RSU1: variants seen among roughly 807,000 people sequenced by gnomAD.
RSU1 encodes Ras suppressor protein 1, also known as rsu-1.
RSU1 carries 26 observed loss-of-function variants against 31.1 expected under a neutral mutation model. The observed-to-expected ratio is 0.84, with a 90% CI of 0.61 to 1.16. The LOEUF is 1.16. Among genes scored for constraint, RSU1 ranks in the 50% most tolerant of loss-of-function variants. The pLI is 0.00. For missense variants in RSU1, 320 were observed against 339.1 expected (o/e 0.94, Z 0.44); for synonymous variants, 164 against 136.3 (o/e 1.20, Z -1.41).
At chr10:16,794,476 T>C (rs887187930) in intron 2 of RSU1, among the ~76,000 whole-genome samples, 1 of 152,230 alleles carries the variant, frequency 6.6e-6, no homozygotes, top group Admixed American at 6.5e-5. Context: ...CTTGTTTGTA[T>C]TGACTAATTT....
chr10:16,682,535 T>TACACAC lies in RSU1; in HGVS notation c.731+12482_731+12487dup, dbSNP rs68128821. On this transcript the variant is annotated intron_variant, in intron 8 of 8. Coordinates refer to ENST00000345264, the MANE Select transcript of RSU1 (RefSeq NM_012425.4). ...CTCCATGGTCTTTTAAAATCATTCA[T>TACACAC]ACACACACACACACACACACACACA... Among the ~76,000 whole-genome samples the TACACAC allele has an allele frequency of 8.1e-3, 216 of 26,504 alleles. 2 individuals are homozygous for TACACAC. The highest frequency in any genetic ancestry group is 0.015 in the African/African-American group (101 of 6,630). 17.4% of individuals were successfully genotyped at this position (26,504 alleles called of 152,430 possible).
chr10:16,707,233 T>G (rs1296840369), intron 7 of RSU1, among the ~76,000 whole-genome samples: 1 of 152,206 alleles, frequency 6.6e-6, no homozygotes, highest in Non-Finnish European at 1.5e-5. Flanking sequence ...TTCAACATAG[T>G]AATTTCTTTT....
intron 8 of RSU1, among the ~76,000 whole-genome samples, chr10:16,617,350 G>T (rs1454264099): frequency 5.9e-5 from 9 of 152,118 alleles, no homozygotes; most frequent in African/African-American, 1.9e-4. Flanking sequence ...ACAAAGAAAT[G>T]GAAGAACATT....
intron 8 of RSU1, among the ~76,000 whole-genome samples, chr10:16,663,634 C>T (rs45524037): frequency 0.02 from 3,094 of 152,258 alleles, 55 homozygotes; most frequent in Non-Finnish European, 0.034. Context: ...CCACTCGCCG[C>T]GCAGTACAAC....
intron 8 of RSU1, among the ~76,000 whole-genome samples, chr10:16,639,447 C>T (rs984996697): frequency 3.3e-5 from 5 of 152,152 alleles, no homozygotes; most frequent in Non-Finnish European, 7.3e-5. Flanking sequence ...TGTTCTAAGG[C>T]AATCCTATTG....
chr10:16,754,817 C>T, intron 5 of RSU1, 54 bp downstream of exon 5: 1 of 1,120,234 alleles, frequency 8.9e-7, no homozygotes, highest in East Asian at 2.5e-5. Context: ...AAATTTCCCT[C>T]TCAGAACGCA....
At chr10:16,715,905 T>G (rs1478181331) in intron 7 of RSU1, among the ~76,000 whole-genome samples, 2 of 152,232 alleles carry the variant, frequency 1.3e-5, no homozygotes, top group East Asian at 3.8e-4. Context: ...GTGATATACT[T>G]CACTAATAGG....
At chr10:16,641,405 T>C (rs1020333843) in intron 8 of RSU1, among the ~76,000 whole-genome samples, 1 of 151,202 alleles carries the variant, frequency 6.6e-6, no homozygotes, top group Non-Finnish European at 1.5e-5. Flanking sequence ...GGCAGAAGAC[T>C]CGTATGAACC....
At position 16,725,369 on chromosome 10, in the gene RSU1, G is replaced by A. The variant is rs557375963; in HGVS notation, c.598+27170C>T. ...ATTCCAGTAAAAGAAAAGGTGACTC[G>A]AGATTTTTATACCTAGACGAATTAT... On this transcript the variant is annotated intron_variant, in intron 7 of 8. Coordinates refer to ENST00000345264, the MANE Select transcript of RSU1 (RefSeq NM_012425.4). 8.5e-4 allele frequency among the ~76,000 whole-genome samples: 130 copies of A among 152,172 alleles called. 1 individual carries two copies. Among genetic ancestry groups the A allele is most frequent in the African/African-American group, 3.0e-3 (126 of 41,510 alleles).
intron 7 of RSU1, among the ~76,000 whole-genome samples, chr10:16,741,309 C>T (rs1836744933): frequency 6.6e-6 from 1 of 152,096 alleles, no homozygotes; most frequent in African/African-American, 2.4e-5. Flanking sequence ...CAAAAATTAA[C>T]TCAAAATGGA....
intron 7 of RSU1, among the ~76,000 whole-genome samples, chr10:16,699,268 G>A (rs1199235394): frequency 6.6e-6 from 1 of 152,178 alleles, no homozygotes; most frequent in Admixed American, 6.5e-5. Flanking sequence ...CACAATACCT[G>A]TTTCTGTAGC....
intron 8 of RSU1, among the ~76,000 whole-genome samples, chr10:16,685,029 C>A (rs1835413542): frequency 6.6e-6 from 1 of 152,098 alleles, no homozygotes; most frequent in East Asian, 1.9e-4. Flanking sequence ...GAGCGGATCA[C>A]CTGAGGTCAC....
chr10:16,611,168 G>A (rs1361072809), intron 8 of RSU1, among the ~76,000 whole-genome samples: 2 of 152,172 alleles, frequency 1.3e-5, no homozygotes, highest in Non-Finnish European at 2.9e-5. Flanking sequence ...GCATTCATGA[G>A]TTTGCCGTTT....
rs1837051768 is a variant in RSU1 at position 16,754,860 on chromosome 10, A to C, written c.400+11T>G. On this transcript the variant is annotated intron_variant, in intron 5 of 8. Transcript: ENST00000345264. ...AGGTTGAGGAGATTTATAGAATTGA[A>C]AGTTTCTTACTCAGGTAGAAGAAGT... 6.5e-7 allele frequency: 1 copy of C among 1,531,798 alleles called. No individual in the cohort carries two copies. The highest frequency in any genetic ancestry group is 1.4e-5 in the African/African-American group (1 of 72,264). 94.9% of individuals were successfully genotyped at this position (1,531,798 alleles called of 1,614,324 possible).
chr10:16,751,767 G>A (rs796677579), intron 7 of RSU1, among the ~76,000 whole-genome samples: 5 of 152,114 alleles, frequency 3.3e-5, no homozygotes, highest in African/African-American at 4.8e-5. Flanking sequence ...GCAAATAATC[G>A]CAGTTTGAGA....
intron 8 of RSU1, among the ~76,000 whole-genome samples, chr10:16,635,963 G>C (rs1588686195): frequency 6.6e-6 from 1 of 152,208 alleles, no homozygotes; most frequent in African/African-American, 2.4e-5. Context: ...CAACTCCCTT[G>C]GTTTCCAGGA....
chr10:16,745,596 A>G (rs1836835793), intron 7 of RSU1, among the ~76,000 whole-genome samples: 1 of 151,782 alleles, frequency 6.6e-6, no homozygotes, highest in African/African-American at 2.4e-5. Context: ...AGATCTTGTG[A>G]GACCCATTCA....
At chr10:16,756,969 G>A (rs1004555768) in intron 4 of RSU1, among the ~76,000 whole-genome samples, 5 of 150,670 alleles carry the variant, frequency 3.3e-5, no homozygotes, top group African/African-American at 1.2e-4. Flanking sequence ...GGGTAGGTAT[G>A]AGTGTGGTGT....
intron 8 of RSU1, among the ~76,000 whole-genome samples, chr10:16,665,132 T>C (rs1834964213): frequency 6.6e-6 from 1 of 152,080 alleles, no homozygotes; most frequent in African/African-American, 2.4e-5. Flanking sequence ...TCAGTAGAGA[T>C]GGGGTTTCGT....
Sources: allele counts gnomAD v4.1 joint callset (sites outside exome capture counted in the v4.1 genomes callset), GRCh38; gene constraint gnomAD v4.1.1; transcripts MANE v1.5; gene names NCBI Gene and HGNC (gene_info 2026-07-23, HGNC 2026-07-21).